The following QTMAN variants were observed in gnomAD, a reference collection of about 807,000 sequenced individuals.
The protein encoded by QTMAN is tRNA-queuosine alpha-mannosyltransferase.
chr2:143,973,289 G>A, the QTMAN span, among the ~76,000 whole-genome samples: 6,019 of 152,070 alleles, frequency 0.04, 227 homozygotes, highest in East Asian at 0.16. Context: ...ATGGAAGGGG[G>A]AATTGGACCA....
At chr2:144,043,374 G>A in the QTMAN span, among the ~76,000 whole-genome samples, 8 of 152,014 alleles carry the variant, frequency 5.3e-5, no homozygotes, top group African/African-American at 7.3e-5. Context: ...AGTGGCTCAC[G>A]CCTGTAATCC....
the QTMAN span, among the ~76,000 whole-genome samples, chr2:144,023,612 C>A: frequency 6.6e-6 from 1 of 152,156 alleles, no homozygotes. Context: ...TTACTTTCCA[C>A]CTTGAAATAT....
At chr2:144,062,985 C>T in the QTMAN span, among the ~76,000 whole-genome samples, 1 of 152,158 alleles carries the variant, frequency 6.6e-6, no homozygotes, top group Non-Finnish European at 1.5e-5. Context: ...AACAAGTAAC[C>T]ATCCAGCCCC....
At chr2:144,179,696 T>G in the QTMAN span, among the ~76,000 whole-genome samples, 19 of 152,030 alleles carry the variant, frequency 1.2e-4, no homozygotes, top group Admixed American at 1.2e-3. Flanking sequence ...TAGACAAGAG[T>G]TGCCTACAAA....
chr2:144,244,366 C>T, the QTMAN span, among the ~76,000 whole-genome samples: 1 of 152,098 alleles, frequency 6.6e-6, no homozygotes, highest in Non-Finnish European at 1.5e-5. Flanking sequence ...CAGTGCTCTG[C>T]CTAATGTATT....
chr2:144,060,477 T>A, the QTMAN span, among the ~76,000 whole-genome samples: 10 of 152,136 alleles, frequency 6.6e-5, no homozygotes, highest in Non-Finnish European at 2.9e-5. Flanking sequence ...GCCAGGCTGG[T>A]CTCAAACTCC....
the QTMAN span, among the ~76,000 whole-genome samples, chr2:144,056,804 G>A: frequency 0.058 from 8,821 of 152,218 alleles, 862 homozygotes; most frequent in African/African-American, 0.2. Flanking sequence ...ACCTGGCTTT[G>A]AGAATCTATA....
the QTMAN span, among the ~76,000 whole-genome samples, chr2:143,960,477 T>C: frequency 3.3e-5 from 5 of 152,042 alleles, no homozygotes; most frequent in Non-Finnish European, 7.4e-5. Context: ...GCTGAAACCA[T>C]ATCAGGAAAG....
chr2:144,029,518 C>T, the QTMAN span, among the ~76,000 whole-genome samples: 1 of 152,032 alleles, frequency 6.6e-6, no homozygotes, highest in East Asian at 1.9e-4. Context: ...TCTCTTCTTC[C>T]ATTATTTCTG....
At chr2:144,276,613 ATTG>A in the QTMAN span, among the ~76,000 whole-genome samples, 1 of 152,186 alleles carries the variant, frequency 6.6e-6, no homozygotes, top group East Asian at 1.9e-4. Context: ...ATACATGTAC[ATTG>A]TTTATAGGTA....
chr2:144,094,527 C>T, the QTMAN span, among the ~76,000 whole-genome samples: 5 of 152,128 alleles, frequency 3.3e-5, no homozygotes, highest in African/African-American at 9.7e-5. Context: ...GCAGAAGGCA[C>T]TTCTTCACAG....
the QTMAN span, among the ~76,000 whole-genome samples, chr2:144,258,209 T>G: frequency 6.8e-6 from 1 of 147,140 alleles, no homozygotes; most frequent in Admixed American, 6.7e-5. Flanking sequence ...TAATACATAC[T>G]TAACATTCTT....
chr2:144,073,281 C>T, the QTMAN span, among the ~76,000 whole-genome samples: 1 of 149,860 alleles, frequency 6.7e-6, no homozygotes, highest in African/African-American at 2.4e-5. Flanking sequence ...TTATTTATTT[C>T]TGTAAACTGA....
the QTMAN span, among the ~76,000 whole-genome samples, chr2:144,152,481 G>T: frequency 6.6e-6 from 1 of 152,176 alleles, no homozygotes; most frequent in Non-Finnish European, 1.5e-5. Context: ...ATCCATAAAA[G>T]ACACTTTGTA....
the QTMAN span, among the ~76,000 whole-genome samples, chr2:144,223,065 T>C: frequency 3.9e-5 from 6 of 152,200 alleles, no homozygotes; most frequent in African/African-American, 1.4e-4. Flanking sequence ...CTCCAAGCTC[T>C]AGTACTTTTT....
the QTMAN span, among the ~76,000 whole-genome samples, chr2:144,169,721 T>C: frequency 6.6e-6 from 1 of 152,096 alleles, no homozygotes; most frequent in Non-Finnish European, 1.5e-5. Context: ...AAATAGATCT[T>C]TGATTGCATG....
At chr2:144,060,473 C>A in the QTMAN span, among the ~76,000 whole-genome samples, 1 of 152,142 alleles carries the variant, frequency 6.6e-6, no homozygotes, top group African/African-American at 2.4e-5. Flanking sequence ...GTTGGCCAGG[C>A]TGGTCTCAAA....
At chr2:144,115,680 A>G in the QTMAN span, among the ~76,000 whole-genome samples, 1 of 152,220 alleles carries the variant, frequency 6.6e-6, no homozygotes, top group Non-Finnish European at 1.5e-5. Flanking sequence ...CAACAGAAAC[A>G]TGGGACCAAT....
chr2:144,232,293 C>A, the QTMAN span, among the ~76,000 whole-genome samples: 286 of 152,252 alleles, frequency 1.9e-3, 1 homozygote, highest in Non-Finnish European at 3.6e-3. Context: ...ATGCATACTG[C>A]TGATACACCT....
Sources: gnomAD v4.1 joint callset for allele counts (sites outside exome capture counted in the v4.1 genomes callset) on GRCh38, gnomAD v4.1.1 for gene constraint, MANE v1.5 for transcripts, NCBI Gene and HGNC (gene_info 2026-07-23, HGNC 2026-07-21) for gene names.